COL5A2: variants seen among roughly 807,000 people sequenced by gnomAD.
The protein encoded by COL5A2 is collagen alpha-2(V) chain.
A neutral mutation model predicts 208.2 loss-of-function variants in COL5A2; 23 were observed. The observed-to-expected ratio is 0.11, with a 90% CI of 0.08 to 0.16. The LOEUF is 0.16. COL5A2 is among the 10% of genes least tolerant of loss of function. The pLI, the probability that COL5A2 is intolerant of heterozygous loss-of-function variation, is 1.00. For synonymous variants in COL5A2, 625 were observed against 628.5 expected (o/e 0.99, Z 0.08); for missense variants, 1,590 against 1,956.4 (o/e 0.81, Z 3.53).
chr2:189,109,888 G>C (rs1334852229), intron 2 of COL5A2, among the ~76,000 whole-genome samples: 1 of 152,064 alleles, frequency 6.6e-6, no homozygotes, highest in Non-Finnish European at 1.5e-5. Context: ...AGGCATTAAT[G>C]GACTTAAAGG....
intron 8 of COL5A2, among the ~76,000 whole-genome samples, chr2:189,087,580 G>A (rs1686690194): frequency 6.6e-6 from 1 of 150,954 alleles, no homozygotes; most frequent in South Asian, 2.1e-4. Context: ...AGCCTCCCAA[G>A]TAGCTGGGAC....
Position 189,066,774 on chromosome 2 carries a change from T to G in COL5A2, c.1410A>C (p.Pro470=), listed in dbSNP as rs1686161472. Residue 470 remains proline (P), a synonymous_variant, in exon 22 of 54, where the codon CCA becomes CCC. Coordinates refer to ENST00000374866, the MANE Select transcript of COL5A2 (RefSeq NM_000393.5). The part of the protein sequence containing the change: ...PQGIRGQPGD[P]GVPGFKGEAG... ...CTTCTCCTTTGAAACCTGGAACTCC[T>G]GGATCACCCTGAAAAAAATATATTG... 1.2e-6 allele frequency: 2 copies of G among 1,613,082 alleles called. No individual in the cohort carries two copies. The highest frequency in any genetic ancestry group is 1.7e-6 in the Non-Finnish European group (2 of 1,179,066).
intron 1 of COL5A2, among the ~76,000 whole-genome samples, chr2:189,118,823 C>A (rs935118594): frequency 6.6e-5 from 10 of 152,138 alleles, no homozygotes; most frequent in Non-Finnish European, 1.2e-4. Flanking sequence ...TAATTTACAT[C>A]TATTTTCTAG....
At chr2:189,364,067 C>T in the COL5A2 span, among the ~76,000 whole-genome samples, 4 of 152,234 alleles carry the variant, frequency 2.6e-5, no homozygotes, top group South Asian at 8.3e-4. Context: ...ATGAATCCAG[C>T]CTCACCTGTG....
At chr2:189,067,987 G>A (rs1686189364) in intron 21 of COL5A2, 28 bp downstream of exon 21, 1 of 1,556,336 alleles carries the variant, frequency 6.4e-7, no homozygotes, top group East Asian at 2.2e-5. Flanking sequence ...TTACACTAAA[G>A]GATGATAGTT....
chr2:189,422,002 G>A, the COL5A2 span, among the ~76,000 whole-genome samples: 1 of 152,120 alleles, frequency 6.6e-6, no homozygotes, highest in Non-Finnish European at 1.5e-5. Flanking sequence ...CAGATGATCT[G>A]CCCAGAATCT....
intron 39 of COL5A2, 27 bp from the exon 40 acceptor site, chr2:189,052,829 T>C (rs756641828): frequency 1.2e-6 from 2 of 1,613,556 alleles, no homozygotes; most frequent in Middle Eastern, 1.6e-4. Context: ...AAAAGAGCAC[T>C]ATAGTGAAGC....
chr2:189,331,661 A>G, the COL5A2 span, among the ~76,000 whole-genome samples: 4 of 152,298 alleles, frequency 2.6e-5, no homozygotes, highest in East Asian at 7.7e-4. Context: ...TGGAACTATA[A>G]GTCCATTAAG....
chr2:189,255,450 A>C, the COL5A2 span, among the ~76,000 whole-genome samples: 1 of 152,180 alleles, frequency 6.6e-6, no homozygotes, highest in Non-Finnish European at 1.5e-5. Context: ...AATCTCTTTG[A>C]TGTTGGAATT....
the COL5A2 span, among the ~76,000 whole-genome samples, chr2:189,264,151 C>T: frequency 1.3e-5 from 2 of 151,660 alleles, no homozygotes; most frequent in Admixed American, 6.6e-5. Flanking sequence ...GTGTAAGATA[C>T]AATTTATAAT....
the COL5A2 span, among the ~76,000 whole-genome samples, chr2:189,435,816 C>T: frequency 6.6e-6 from 1 of 152,172 alleles, no homozygotes; most frequent in African/African-American, 2.4e-5. Context: ...ACCCAGCCAT[C>T]CCATTACTGG....
intron 24 of COL5A2, 68 bp from the exon 25 acceptor site, chr2:189,064,723 ATTAT>A: frequency 2.6e-6 from 3 of 1,155,112 alleles, no homozygotes; most frequent in Non-Finnish European, 1.3e-6. Flanking sequence ...CAGAAGTAAA[ATTAT>A]CGTTTTACAA....
At chr2:189,081,936 C>T (rs1366273987) in intron 12 of COL5A2, among the ~76,000 whole-genome samples, 1 of 152,046 alleles carries the variant, frequency 6.6e-6, no homozygotes, top group Non-Finnish European at 1.5e-5. Flanking sequence ...ATTGAATTGC[C>T]ATTACCACTG....
chr2:189,195,104 T>C (rs1240352307), intron 1 of COL5A2, among the ~76,000 whole-genome samples: 1 of 152,192 alleles, frequency 6.6e-6, no homozygotes, highest in Non-Finnish European at 1.5e-5. Context: ...CTTAAGCTGA[T>C]AGGTAACTTC....
At position 189,169,928 on chromosome 2, in the gene COL5A2, G is replaced by A. The variant is rs536462199; in HGVS notation, c.97+9580C>T. On this transcript the variant is annotated intron_variant, in intron 1 of 53. Coordinates refer to ENST00000374866, the MANE Select transcript of COL5A2 (RefSeq NM_000393.5). ...GATGGGTTTTCACCATGTTGGTCAG[G>A]CTGTTCTCAAACTCCTGACCTCAGG... 9.2e-5 allele frequency among the ~76,000 whole-genome samples: 14 copies of A among 152,264 alleles called. No homozygotes were observed. In the South Asian group the frequency reaches 2.9e-3, roughly 32 times the overall value.
chr2:189,335,618 C>A, the COL5A2 span, among the ~76,000 whole-genome samples: 1 of 152,004 alleles, frequency 6.6e-6, no homozygotes, highest in South Asian at 2.1e-4. Flanking sequence ...GAAATATTAT[C>A]CAGCCATAAA....
chr2:189,070,424 C>A (rs765093322), intron 18 of COL5A2, among the ~76,000 whole-genome samples: 4 of 152,116 alleles, frequency 2.6e-5, no homozygotes, highest in African/African-American at 4.8e-5. Context: ...AAAGCAGGAT[C>A]CTGTCCAAAA....
intron 1 of COL5A2, among the ~76,000 whole-genome samples, chr2:189,193,400 C>T (rs991572946): frequency 6.6e-6 from 1 of 152,108 alleles, no homozygotes; most frequent in African/African-American, 2.4e-5. Context: ...AAGTAATATG[C>T]AAAATCAAAA....
intron 1 of COL5A2, among the ~76,000 whole-genome samples, chr2:189,202,607 T>C (rs1180465264): frequency 1.3e-5 from 2 of 152,118 alleles, no homozygotes; most frequent in Non-Finnish European, 2.9e-5. Flanking sequence ...GAAAGAATGA[T>C]AATAGTAGTA....
Sources: allele counts gnomAD v4.1 joint callset (sites outside exome capture counted in the v4.1 genomes callset), GRCh38; gene constraint gnomAD v4.1.1; transcripts MANE v1.5; gene names NCBI Gene and HGNC (gene_info 2026-07-23, HGNC 2026-07-21).